The following TSHZ2 variants were observed in gnomAD, a reference collection of about 807,000 sequenced individuals.
TSHZ2 encodes teashirt zinc finger homeobox 2, also known as teashirt homolog 2.
Under a neutral mutation model 74.4 loss-of-function variants are expected in TSHZ2, and 21 were observed. That is an observed-to-expected ratio of 0.28 (90% confidence interval 0.20 to 0.41). TSHZ2 has a LOEUF of 0.41. Ranked by LOEUF, TSHZ2 falls within the 10% of genes least tolerant of loss-of-function variation. TSHZ2 has a pLI of 1.00. For missense variants in TSHZ2, 1,244 were observed against 1,293.5 expected, an observed-to-expected ratio of 0.96 and a Z score of 0.59; for synonymous variants, 540 against 515.3, an observed-to-expected ratio of 1.05 and a Z score of -0.65.
chr20:53,444,024 A>C (rs116360190), intron 2 of TSHZ2, among the ~76,000 whole-genome samples: 1 of 152,218 alleles, frequency 6.6e-6, no homozygotes, highest in African/African-American at 2.4e-5. Context: ...CTAGAGTTTA[A>C]GTACGGTGGC....
At chr20:53,345,919 G>A (rs1980421992) in intron 2 of TSHZ2, among the ~76,000 whole-genome samples, 1 of 152,120 alleles carries the variant, frequency 6.6e-6, no homozygotes, top group Non-Finnish European at 1.5e-5. Flanking sequence ...CCATGGCGCT[G>A]GCAAGAGCAT....
At chr20:53,412,801 C>T (rs1983099888) in intron 2 of TSHZ2, 1 of 152,356 alleles carries the variant, frequency 6.6e-6, no homozygotes, top group African/African-American at 2.4e-5. Flanking sequence ...AACAAACTGT[C>T]AGAGGTCAGC....
intron 1 of TSHZ2, among the ~76,000 whole-genome samples, chr20:53,029,165 C>A (rs936815761): frequency 6.6e-6 from 1 of 152,162 alleles, no homozygotes; most frequent in Non-Finnish European, 1.5e-5. Flanking sequence ...ATATTACACA[C>A]CTGCCATCTG....
intron 1 of TSHZ2, among the ~76,000 whole-genome samples, chr20:53,080,528 A>G (rs1273859820): frequency 6.6e-6 from 1 of 152,164 alleles, no homozygotes; most frequent in Admixed American, 6.5e-5. Context: ...GGACAAAGGT[A>G]GGGGAGATGG....
chr20:53,427,051 G>A (rs1983681877), intron 2 of TSHZ2, among the ~76,000 whole-genome samples: 1 of 152,168 alleles, frequency 6.6e-6, no homozygotes, highest in Non-Finnish European at 1.5e-5. Flanking sequence ...AAACAAATGT[G>A]TCAGCTCCCT....
intron 2 of TSHZ2, among the ~76,000 whole-genome samples, chr20:53,413,601 T>C (rs1014282566): frequency 3.9e-5 from 6 of 152,220 alleles, no homozygotes; most frequent in African/African-American, 1.4e-4. Context: ...CGAGTTAATA[T>C]GGGTAAAGCA....
chr20:53,414,388 C>T (rs952790328), intron 2 of TSHZ2, among the ~76,000 whole-genome samples: 6 of 152,044 alleles, frequency 3.9e-5, no homozygotes, highest in Admixed American at 2.6e-4. Context: ...GGGAGGCCAA[C>T]GCAGAAGGAT....
intron 2 of TSHZ2, among the ~76,000 whole-genome samples, chr20:53,290,139 A>G (rs149271304): frequency 1.3e-5 from 2 of 152,286 alleles, no homozygotes; most frequent in Non-Finnish European, 2.9e-5. Flanking sequence ...ATGTGGAGTC[A>G]GTTGGAGCTA....
At chr20:53,463,586 T>A (rs865973597) in intron 2 of TSHZ2, among the ~76,000 whole-genome samples, 9 of 152,182 alleles carry the variant, frequency 5.9e-5, no homozygotes, top group African/African-American at 7.2e-5. Flanking sequence ...ATGGTAGAAA[T>A]AAGTGAATAA....
chr20:53,136,569 A>G (rs1987251063), intron 1 of TSHZ2, among the ~76,000 whole-genome samples: 1 of 152,226 alleles, frequency 6.6e-6, no homozygotes, highest in Non-Finnish European at 1.5e-5. Context: ...TCTGTTTTAT[A>G]GAAGAGGAAC....
intron 1 of TSHZ2, among the ~76,000 whole-genome samples, chr20:53,023,966 A>G (rs995424053): frequency 2.6e-5 from 4 of 152,026 alleles, no homozygotes; most frequent in Non-Finnish European, 5.9e-5. Flanking sequence ...CATTGTAGTC[A>G]CTGTTTTTCT....
intron 2 of TSHZ2, among the ~76,000 whole-genome samples, chr20:53,465,966 TA>T (rs557411643): frequency 0.11 from 15,187 of 132,116 alleles, 862 homozygotes; most frequent in South Asian, 0.27. Context: ...TCACAGTGGT[TA>T]AAAAAAAAAA....
At chr20:53,406,679 G>A (rs1982864808) in intron 2 of TSHZ2, among the ~76,000 whole-genome samples, 2 of 152,196 alleles carry the variant, frequency 1.3e-5, no homozygotes, top group Admixed American at 1.3e-4. Flanking sequence ...GAATGTAGAA[G>A]TGAGCAAAGC....
rs527753479 is a variant in TSHZ2 at position 53,113,508 on chromosome 20, G to A, written c.41-139991G>A. On this transcript the variant is annotated intron_variant, in intron 1 of 2. Transcript: ENST00000371497. The stretch of plus-strand genomic sequence containing the variant: ...AACATTTACCTGATTGCTACTTGCC[G>A]ATGCTGTGTGTTGGCATGTATCTGG... Among the ~76,000 whole-genome samples, 10 of 152,246 alleles carry A rather than the reference G, an allele frequency of 6.6e-5. No homozygotes were observed. In the South Asian group the frequency reaches 1.9e-3, roughly 28 times the overall value.
intron 1 of TSHZ2, among the ~76,000 whole-genome samples, chr20:53,027,267 T>C (rs1010733892): frequency 6.6e-6 from 1 of 152,234 alleles, no homozygotes; most frequent in African/African-American, 2.4e-5. Flanking sequence ...TATTTATACA[T>C]GCATATGTAC....
chr20:53,233,869 G>C lies in TSHZ2; in HGVS notation c.41-19630G>C, dbSNP rs533126180. Among the ~76,000 whole-genome samples, 4 of 152,262 alleles carry C rather than the reference G, an allele frequency of 2.6e-5. No individual in the cohort carries two copies. In the East Asian group the frequency reaches 7.7e-4, roughly 29 times the overall value. On this transcript the variant is annotated intron_variant, in intron 1 of 2. Coordinates refer to ENST00000371497, the MANE Select transcript of TSHZ2 (RefSeq NM_173485.6). ...TCCAGCCTCATAGGACCAGAGACAT[G>C]GAAGGGTGCAATAAAATAACATGCT...
At chr20:53,169,770 A>G (rs1205686392) in intron 1 of TSHZ2, among the ~76,000 whole-genome samples, 1 of 152,234 alleles carries the variant, frequency 6.6e-6, no homozygotes, top group African/African-American at 2.4e-5. Flanking sequence ...CTATTTTTAT[A>G]GAAATTTGCA....
chr20:53,165,019 T>C (rs1254822279), intron 1 of TSHZ2, among the ~76,000 whole-genome samples: 1 of 152,220 alleles, frequency 6.6e-6, no homozygotes, highest in Non-Finnish European at 1.5e-5. Flanking sequence ...CCCTGCCTAG[T>C]GGTCTTGCAA....
intron 1 of TSHZ2, among the ~76,000 whole-genome samples, chr20:53,142,710 C>G (rs1475461989): frequency 1.3e-5 from 2 of 152,060 alleles, no homozygotes; most frequent in South Asian, 4.2e-4. Context: ...GAGGGTGTGG[C>G]CTACTCATTT....
Sources: gnomAD v4.1 joint callset for allele counts (sites outside exome capture counted in the v4.1 genomes callset) on GRCh38, gnomAD v4.1.1 for gene constraint, MANE v1.5 for transcripts, NCBI Gene and HGNC (gene_info 2026-07-23, HGNC 2026-07-21) for gene names.